The following STAG1 variants were observed in gnomAD, a reference collection of about 807,000 sequenced individuals.
STAG1 encodes the protein STAG1 cohesin complex component.
Under a neutral mutation model 170.9 loss-of-function variants are expected in STAG1, and 26 were observed. That is an observed-to-expected ratio of 0.15 (90% CI 0.11 to 0.21). The LOEUF (loss-of-function observed/expected upper bound fraction) is 0.21, where lower values mean the gene tolerates loss of function less well. Among genes scored for constraint, STAG1 ranks in the 10% least tolerant of loss-of-function variants. STAG1 has a pLI of 1.00. For missense variants in STAG1, 964 were observed against 1,509.5 expected, an observed-to-expected ratio of 0.64 and a Z score of 5.99; for synonymous variants, 514 against 497.7, an observed-to-expected ratio of 1.03 and a Z score of -0.44.
At chr3:136,381,557 G>A (rs1937962612) in intron 22 of STAG1, among the ~76,000 whole-genome samples, 1 of 152,136 alleles carries the variant, frequency 6.6e-6, no homozygotes, top group Non-Finnish European at 1.5e-5. Context: ...TCAGACTGCA[G>A]TAAGCTGAAA....
At chr3:136,561,232 T>C (rs1053828801) in intron 5 of STAG1, among the ~76,000 whole-genome samples, 1 of 152,238 alleles carries the variant, frequency 6.6e-6, no homozygotes, top group East Asian at 1.9e-4. Context: ...TACAAATTTT[T>C]TGTTTTCTTA....
At chr3:136,420,523 C>T (rs1359128028) in intron 20 of STAG1, among the ~76,000 whole-genome samples, 1 of 152,144 alleles carries the variant, frequency 6.6e-6, no homozygotes, top group Admixed American at 6.5e-5. Flanking sequence ...TTATTAATGT[C>T]AAACACAACA....
chr3:136,554,945 T>A (rs994174441), intron 5 of STAG1, among the ~76,000 whole-genome samples: 3 of 151,654 alleles, frequency 2.0e-5, no homozygotes, highest in Admixed American at 1.3e-4. Context: ...AGAACAAATA[T>A]GCTTCTAAAT....
intron 14 of STAG1, among the ~76,000 whole-genome samples, chr3:136,443,803 G>A (rs927884002): frequency 7.2e-5 from 11 of 151,990 alleles, no homozygotes; most frequent in African/African-American, 2.7e-4. Context: ...AATTCCATTA[G>A]AAACTCTTGG....
In STAG1 at chr3:136,633,129, T is replaced by C. The variant is rs1940396383; in HGVS notation, c.-83-2148A>G. On this transcript the variant is annotated intron_variant, in intron 1 of 33. Transcript: ENST00000383202. Reference sequence around the variant, plus strand: ...TTCCCAGAGTGAAAACATTTTAATATTCAAAATGTCCATTTTTTTAATGTT... The same window carrying C: ...TTCCCAGAGTGAAAACATTTTAATACTCAAAATGTCCATTTTTTTAATGTT... 2.6e-5 allele frequency among the ~76,000 whole-genome samples: 4 copies of C among 152,156 alleles called. No individual in the cohort carries two copies. The South Asian group carries it at 8.3e-4, about 32-fold the overall frequency.
Position 136,455,502 on chromosome 3 carries a change from T to G in STAG1, c.1314-3355A>C, listed in dbSNP as rs978749767. Reference sequence around the variant, plus strand: ...CATCTTTGCAAGAAGCCCACTCCAGTTCCATCCCACGGAACCACTGGGAGT... The same window carrying G: ...CATCTTTGCAAGAAGCCCACTCCAGGTCCATCCCACGGAACCACTGGGAGT... On this transcript the variant is annotated intron_variant, in intron 13 of 33. Transcript: ENST00000383202. Among the ~76,000 whole-genome samples, 7 of 152,336 alleles carry G rather than the reference T, an allele frequency of 4.6e-5. 1 individual carries two copies. The South Asian group carries it at 8.3e-4, about 18-fold the overall frequency.
intron 16 of STAG1, among the ~76,000 whole-genome samples, chr3:136,433,172 A>G (rs1016213227): frequency 6.6e-6 from 1 of 152,126 alleles, no homozygotes; most frequent in African/African-American, 2.4e-5. Context: ...CATATTACAG[A>G]TAAGGAAACT....
chr3:136,739,235 G>A (rs145727218), intron 1 of STAG1, among the ~76,000 whole-genome samples: 13 of 152,218 alleles, frequency 8.5e-5, no homozygotes, highest in Admixed American at 4.6e-4. Context: ...ACTACACACT[G>A]GGTGAGGCTC....
At chr3:136,700,876 CTTTTTTTTTT>C (rs35459362) in intron 1 of STAG1, among the ~76,000 whole-genome samples, 9 of 78,356 alleles carry the variant, frequency 1.1e-4, no homozygotes, top group African/African-American at 3.8e-4. Flanking sequence ...TATTTTTTTT[CTTTTTTTTTT>C]TTTTTTTTTT....
intron 23 of STAG1, among the ~76,000 whole-genome samples, chr3:136,372,485 T>G (rs191735819): frequency 6.6e-6 from 1 of 152,278 alleles, no homozygotes; most frequent in African/African-American, 2.4e-5. Flanking sequence ...GACTGTGGGT[T>G]TGTCATAGAT....
intron 9 of STAG1, among the ~76,000 whole-genome samples, chr3:136,488,797 CCT>C (rs768891669): frequency 1.3e-5 from 2 of 152,030 alleles, no homozygotes; most frequent in Non-Finnish European, 2.9e-5. Context: ...TCTAAATATC[CCT>C]GATTTGATTA....
intron 2 of STAG1, among the ~76,000 whole-genome samples, chr3:136,625,934 T>G (rs113744115): frequency 4.6e-5 from 7 of 152,330 alleles, no homozygotes; most frequent in African/African-American, 1.4e-4. Context: ...ATGCCTGTAA[T>G]CCCAACACTT....
chr3:136,599,367 C>T (rs956211002), intron 4 of STAG1, among the ~76,000 whole-genome samples: 1 of 151,780 alleles, frequency 6.6e-6, no homozygotes. Context: ...CCTGTATCTA[C>T]TAAAAATAAA....
intron 25 of STAG1, among the ~76,000 whole-genome samples, chr3:136,366,063 T>C (rs1937063162): frequency 6.6e-6 from 1 of 152,034 alleles, no homozygotes; most frequent in African/African-American, 2.4e-5. Flanking sequence ...TAGTAATTTA[T>C]GCATCTATCA....
chr3:136,599,561 C>A (rs1307120494), intron 4 of STAG1, among the ~76,000 whole-genome samples: 2 of 150,976 alleles, frequency 1.3e-5, no homozygotes, highest in African/African-American at 4.9e-5. Context: ...AAAATAAATC[C>A]TTCATCTCTT....
In STAG1 at chr3:136,484,934, C is replaced by A. The variant is rs542694233; in HGVS notation, c.903-7522G>T. On this transcript the variant is annotated intron_variant, in intron 9 of 33. Coordinates refer to ENST00000383202, the MANE Select transcript of STAG1 (RefSeq NM_005862.3). Reference sequence around the variant, plus strand: ...GAGGCAATGCCTCGCCCTGCTTCGGCTCGCGCACGGTGCGCGCACACACTG... The same window carrying A: ...GAGGCAATGCCTCGCCCTGCTTCGGATCGCGCACGGTGCGCGCACACACTG... Among the ~76,000 whole-genome samples, 1,518 of 152,190 alleles carry A rather than the reference C, an allele frequency of 1.0e-2. 7 individuals carry two copies. The highest frequency in any genetic ancestry group is 0.015 in the Non-Finnish European group (1,025 of 67,980).
chr3:136,737,258 A>G (rs1450408836), intron 1 of STAG1: 2 of 569,288 alleles, frequency 3.5e-6, no homozygotes, highest in East Asian at 7.6e-5. Context: ...CGTGACCCCC[A>G]TGCCCAGTTA....
intron 13 of STAG1, among the ~76,000 whole-genome samples, chr3:136,464,153 G>C (rs1192948983): frequency 6.6e-6 from 1 of 151,956 alleles, no homozygotes; most frequent in Non-Finnish European, 1.5e-5. Context: ...GCCAGGTGTG[G>C]TGGCTCATGC....
chr3:136,524,170 A>G (rs1416118763), intron 6 of STAG1, among the ~76,000 whole-genome samples: 2 of 152,148 alleles, frequency 1.3e-5, no homozygotes, highest in African/African-American at 2.4e-5. Context: ...CATTCAATCT[A>G]TAAATTACCT....
Sources: gnomAD v4.1 joint callset for allele counts (sites outside exome capture counted in the v4.1 genomes callset) on GRCh38, gnomAD v4.1.1 for gene constraint, MANE v1.5 for transcripts, NCBI Gene and HGNC (gene_info 2026-07-23, HGNC 2026-07-21) for gene names.